ZNF624: variants seen among roughly 807,000 people sequenced by gnomAD.
The protein encoded by ZNF624 is zinc finger protein 624.
ZNF624 carries 43 observed loss-of-function variants against 74.7 expected under a neutral mutation model. The observed-to-expected ratio is 0.58, with a 90% CI of 0.45 to 0.74. The LOEUF (loss-of-function observed/expected upper bound fraction) is 0.74. ZNF624 is among the 30% of genes least tolerant of loss of function. ZNF624 has a pLI of 0.00. For missense variants in ZNF624, 820 were observed against 1,030.0 expected, an observed-to-expected ratio of 0.80 and a Z score of 2.79; for synonymous variants, 331 against 341.3, an observed-to-expected ratio of 0.97 and a Z score of 0.33.
intron 1 of ZNF624, among the ~76,000 whole-genome samples, chr17:16,651,875 AGC>A (rs2142671149): frequency 6.6e-6 from 1 of 152,342 alleles, no homozygotes; most frequent in South Asian, 2.1e-4. Flanking sequence ...AGAAATATAC[AGC>A]TTGAACAAGT....
chr17:16,650,183 AATCACTTACTC>A (rs1204109673), intron 1 of ZNF624, among the ~76,000 whole-genome samples: 3 of 152,142 alleles, frequency 2.0e-5, no homozygotes, highest in African/African-American at 7.2e-5. Context: ...TCTTTGCCAC[AATCACTTACTC>A]ATCTAACAAT....
At chr17:16,644,097 G>C (rs1569047708) in intron 3 of ZNF624, among the ~76,000 whole-genome samples, 2 of 152,108 alleles carry the variant, frequency 1.3e-5, no homozygotes, top group South Asian at 4.1e-4. Flanking sequence ...TATACACACT[G>C]TCTCTCTTTC....
chr17:16,622,487 C>G lies in ZNF624; in HGVS notation c.2399G>C (p.Arg800Thr). Residue 800 changes from arginine to threonine, a missense_variant, in exon 6 of 6, where the codon AGA (arginine) becomes ACA (threonine). Arg to Thr is a moderately conservative substitution (Grantham distance 71). Transcript: ENST00000311331. ...ATAGGGCCTCTCCCCAGTATGAATT[C>G]TCTGATGTAGGGTTAGCTGTGATAG... ...ITLSQLTLHQ[R>T]IHTGERPYKC... The G allele has an allele frequency of 2.5e-6, 4 of 1,613,822 alleles. No homozygotes were observed. The highest frequency in any genetic ancestry group is 2.5e-6 in the Non-Finnish European group (3 of 1,179,844).
intron 1 of ZNF624, 130 bp from the exon 2 acceptor site, chr17:16,649,876 G>C (rs1032655799): frequency 1.5e-6 from 1 of 679,506 alleles, no homozygotes; most frequent in Non-Finnish European, 2.6e-6. Context: ...TAAGATCAGT[G>C]AGGGACAAAG....
Position 16,638,559 on chromosome 17 carries a change from G to T in ZNF624, c.154-3803C>A, listed in dbSNP as rs368751271. 7.7e-4 allele frequency among the ~76,000 whole-genome samples: 117 copies of T among 152,296 alleles called. 1 individual carries two copies. The East Asian group carries it at 0.018, about 24-fold the overall frequency. On this transcript the variant is annotated intron_variant, in intron 3 of 5. Coordinates refer to ENST00000311331, the MANE Select transcript of ZNF624 (RefSeq NM_020787.4). ...AAAAAATGAAGAGTTCATGTCCTTT[G>T]TAGGGACATGGATGAAACTGGAAAC...
In ZNF624 at chr17:16,634,693, G is replaced by A. The variant is rs745893221; in HGVS notation, c.217C>T (p.Pro73Ser). 6.2e-7 allele frequency: 1 copy of A among 1,613,646 alleles called. No homozygotes were observed. Among genetic ancestry groups the A allele is most frequent in the Non-Finnish European group, 8.5e-7 (1 of 1,179,700 alleles). Reference protein sequence around the residue: ...FTLEEWRLMDPTQRNLHKDVM... With the variant: ...FTLEEWRLMDSTQRNLHKDVM... Reference sequence around the variant, plus strand: ...TCCTTGTGCAGGTTCCTCTGTGTAGGGTCCATCAACCTCCACTCCTCCAAT... The same window carrying A: ...TCCTTGTGCAGGTTCCTCTGTGTAGAGTCCATCAACCTCCACTCCTCCAAT... The change falls in exon 4 of 6, where the codon CCT becomes TCT. Residue 73 changes from proline (P) to serine (S), a missense_variant. Coordinates refer to ENST00000311331, the MANE Select transcript of ZNF624 (RefSeq NM_020787.4).
chr17:16,618,717 A>T (rs1040450433), downstream of ZNF624, among the ~76,000 whole-genome samples: 2 of 152,206 alleles, frequency 1.3e-5, no homozygotes, highest in African/African-American at 4.8e-5. Flanking sequence ...CGTGAAGACG[A>T]TGAGGATAAA....
rs150543591 is a variant in ZNF624, at chr17:16,651,527, G to A, written c.-2-1781C>T. Among the ~76,000 whole-genome samples the A allele has an allele frequency of 9.1e-3, 1,381 of 152,178 alleles. 13 individuals carry two copies. The highest frequency in any genetic ancestry group is 0.014 in the Non-Finnish European group (927 of 67,996). ...GCACAATGAAAAGGTTTTGGTGGAA[G>A]AGAAACAATGAGAAGTTGAGGGAGG... On this transcript the variant is annotated intron_variant, in intron 1 of 5. Coordinates refer to ENST00000311331, the MANE Select transcript of ZNF624 (RefSeq NM_020787.4).
chr17:16,624,712 T>C (rs943978119), intron 5 of ZNF624: 2 of 508,398 alleles, frequency 3.9e-6, no homozygotes, highest in African/African-American at 2.0e-5. Flanking sequence ...TCAATGAAAC[T>C]TTCCCGTTAA....
chr17:16,646,866 T>C (rs1298672084), intron 3 of ZNF624, among the ~76,000 whole-genome samples: 1 of 152,266 alleles, frequency 6.6e-6, no homozygotes, highest in Non-Finnish European at 1.5e-5. Flanking sequence ...ATTTATCTTT[T>C]ATTTATTTCT....
Position 16,622,301 on chromosome 17 carries a change from G to A in ZNF624, c.2585C>T (p.Thr862Ile). The part of the protein sequence containing the change: ...TVHQRIHQRE[T>I]QLI ...ACTTATTGTTCTTTATATTAACTGAGTTTCTCTTTGATGTATTCTTTGATG... is the reference window on the plus strand; with the variant it reads ...ACTTATTGTTCTTTATATTAACTGAATTTCTCTTTGATGTATTCTTTGATG... The change falls in exon 6 of 6, where the codon ACT (threonine) becomes ATT (isoleucine). Residue 862 changes from threonine to isoleucine, a missense_variant. Thr to Ile is a moderately conservative substitution (Grantham distance 89). Coordinates refer to ENST00000311331, the MANE Select transcript of ZNF624 (RefSeq NM_020787.4). 6.4e-7 allele frequency: 1 copy of A among 1,561,030 alleles called. No individual in the cohort carries two copies. Among genetic ancestry groups the A allele is most frequent in the Admixed American group, 2.0e-5 (1 of 49,712 alleles).
At chr17:16,648,110 T>C (rs1909636735) in intron 2 of ZNF624, among the ~76,000 whole-genome samples, 1 of 151,720 alleles carries the variant, frequency 6.6e-6, no homozygotes, top group South Asian at 2.1e-4. Flanking sequence ...TAATTTTTTG[T>C]ACTCTTTTTT....
At chr17:16,632,342 C>T (rs1909226282) in intron 5 of ZNF624, among the ~76,000 whole-genome samples, 1 of 152,194 alleles carries the variant, frequency 6.6e-6, no homozygotes, top group Non-Finnish European at 1.5e-5. Context: ...ATCAATGTCT[C>T]TCTCTCCATT....
chr17:16,641,139 A>G (rs1909456312), intron 3 of ZNF624, among the ~76,000 whole-genome samples: 1 of 152,200 alleles, frequency 6.6e-6, no homozygotes, highest in Non-Finnish European at 1.5e-5. Context: ...CTAAAAATAG[A>G]AGCAAACATC....
Position 16,633,869 on chromosome 17 carries a change from G to A in ZNF624, c.369C>T (p.Pro123=). ...TGGTTCTGTTTAACTCACCAGGATAGGGAATTCTTGAAATTTCTCTCACCG... is the reference window on the plus strand; with the variant it reads ...TGGTTCTGTTTAACTCACCAGGATAAGGAATTCTTGAAATTTCTCTCACCG... ...WVTVREISRI[P]YPDMEPKPAT... is the part of the protein sequence containing the mutation. The change falls in exon 5 of 6, where the codon CCC becomes CCT. Residue 123 remains proline (P), a synonymous_variant. Transcript: ENST00000311331. 2 of 1,612,422 alleles carry A rather than the reference G, an allele frequency of 1.2e-6. No homozygotes were observed. Among genetic ancestry groups the A allele is most frequent in the Non-Finnish European group, 1.7e-6 (2 of 1,178,622 alleles).
chr17:16,617,197 C>T, downstream of ZNF624: 19 of 1,612,608 alleles, frequency 1.2e-5, no homozygotes, highest in African/African-American at 1.3e-5. Context: ...ACCTTTGCTC[C>T]GCGACCTGGA....
intron 2 of ZNF624, among the ~76,000 whole-genome samples, chr17:16,648,593 T>C (rs896727003): frequency 6.6e-6 from 1 of 152,252 alleles, no homozygotes; most frequent in Non-Finnish European, 1.5e-5. Context: ...ACATGTTACA[T>C]ATTCTGGCTA....
rs1354357602 is a variant in ZNF624, at chr17:16,623,948, A to C, written c.938T>G (p.Phe313Cys). Residue 313 changes from phenylalanine to cysteine, a missense_variant, in exon 6 of 6, where the codon TTC becomes TGC. Physicochemically the swap from Phe to Cys is radical, Grantham distance 205. Coordinates refer to ENST00000311331, the MANE Select transcript of ZNF624 (RefSeq NM_020787.4). The surrounding 1 kb of genome is among the most constrained non-coding windows in gnomAD (Gnocchi z 5.3). ...PYECNECGKT[F>C]SQPSYLSQHK... ...CTGACTGAGATATGAAGGCTGGCTG[A>C]ATGTTTTCCCACATTCATTACATTC... The C allele has an allele frequency of 1.2e-6, 2 of 1,613,772 alleles. No homozygotes were observed. Among genetic ancestry groups the C allele is most frequent in the Non-Finnish European group, 1.7e-6 (2 of 1,180,008 alleles).
chr17:16,617,222 T>C, downstream of ZNF624: 1 of 1,612,730 alleles, frequency 6.2e-7, no homozygotes, highest in Non-Finnish European at 8.5e-7. Context: ...GAGCGACTTT[T>C]TGAGACACTT....
Sources: allele counts gnomAD v4.1 joint callset (sites outside exome capture counted in the v4.1 genomes callset), GRCh38; gene constraint gnomAD v4.1.1; non-coding constraint Gnocchi (gnomAD v3.1); transcripts MANE v1.5; gene names NCBI Gene and HGNC (gene_info 2026-07-23, HGNC 2026-07-21).